The following C10orf67 variants were observed in gnomAD, a reference collection of about 807,000 sequenced individuals.
C10orf67 encodes uncharacterized protein C10orf67, mitochondrial.
C10orf67 carries 60 observed loss-of-function variants against 35.6 expected under a neutral mutation model. The observed-to-expected ratio is 1.68, with a 90% CI of 1.37 to 2.09. The LOEUF is 2.09. C10orf67 is among the 30% of genes most tolerant of loss of function. C10orf67 has a pLI of 0.00. For synonymous variants in C10orf67, 167 were observed against 115.8 expected, an observed-to-expected ratio of 1.44 and a Z score of -2.84; for missense variants, 474 against 330.2, an observed-to-expected ratio of 1.44 and a Z score of -3.38.
chr10:23,269,641 C>A (rs551260605), intron 8 of C10orf67, among the ~76,000 whole-genome samples: 2 of 151,702 alleles, frequency 1.3e-5, no homozygotes, highest in Admixed American at 1.3e-4. Context: ...TTACTGTCTA[C>A]AAGAGAAGCA....
chr10:23,244,567 C>T (rs1470287262), intron 12 of C10orf67, among the ~76,000 whole-genome samples: 3 of 151,556 alleles, frequency 2.0e-5, no homozygotes, highest in African/African-American at 7.3e-5. Context: ...AATAAGCTAT[C>T]CAAAAAGAAA....
chr10:23,253,531 C>T (rs1057067267), intron 10 of C10orf67, among the ~76,000 whole-genome samples: 5 of 151,932 alleles, frequency 3.3e-5, no homozygotes, highest in African/African-American at 1.2e-4. Context: ...AAAAATTAAC[C>T]CAAATTAAAA....
At chr10:23,241,178 T>C (rs1481598026) in intron 12 of C10orf67, among the ~76,000 whole-genome samples, 4 of 152,224 alleles carry the variant, frequency 2.6e-5, no homozygotes, top group Non-Finnish European at 4.4e-5. Context: ...CTTTCTCCCC[T>C]TTCAAACAAG....
At chr10:23,302,075 G>T (rs1448762416) in intron 5 of C10orf67, among the ~76,000 whole-genome samples, 1 of 152,186 alleles carries the variant, frequency 6.6e-6, no homozygotes, top group Admixed American at 6.5e-5. Context: ...ACACGGACCA[G>T]AAGAGTGCAG....
intron 7 of C10orf67, among the ~76,000 whole-genome samples, chr10:23,285,667 T>C (rs942575475): frequency 5.9e-5 from 9 of 152,224 alleles, no homozygotes; most frequent in African/African-American, 2.2e-4. Context: ...TACGTTTTCA[T>C]TGGAAATACT....
At chr10:23,303,761 G>A (rs1844175965) in intron 4 of C10orf67, among the ~76,000 whole-genome samples, 1 of 152,194 alleles carries the variant, frequency 6.6e-6, no homozygotes, top group South Asian at 2.1e-4. Context: ...CAATAGTAAA[G>A]AGCGAGATGG....
intron 1 of C10orf67, among the ~76,000 whole-genome samples, chr10:23,334,858 G>T (rs763165728): frequency 6.6e-6 from 1 of 152,174 alleles, no homozygotes; most frequent in Admixed American, 6.5e-5. Context: ...TGACTACAAG[G>T]GGGGCCAGCC....
chr10:23,315,583 C>A (rs954443189), intron 4 of C10orf67, among the ~76,000 whole-genome samples: 1 of 151,920 alleles, frequency 6.6e-6, no homozygotes, highest in African/African-American at 2.4e-5. Flanking sequence ...GGACCCTAGG[C>A]GCATGTCCCC....
intron 7 of C10orf67, among the ~76,000 whole-genome samples, 197 bp from the exon 8 acceptor site, chr10:23,282,275 G>A (rs1031163505): frequency 2.0e-5 from 3 of 152,060 alleles, no homozygotes; most frequent in African/African-American, 7.3e-5. Context: ...AATATACACA[G>A]AAAATACCGA....
chr10:23,275,771 T>C (rs529077941), intron 8 of C10orf67, among the ~76,000 whole-genome samples: 1 of 152,152 alleles, frequency 6.6e-6, no homozygotes, highest in African/African-American at 2.4e-5. Context: ...CCCTGGTCAA[T>C]TTTTTATGCT....
At chr10:23,213,050 G>A (rs1841350648) in intron 15 of C10orf67, among the ~76,000 whole-genome samples, 1 of 152,088 alleles carries the variant, frequency 6.6e-6, no homozygotes, top group African/African-American at 2.4e-5. Flanking sequence ...ATAACCCAGA[G>A]TAAAACAAGA....
At chr10:23,334,780 G>T (rs1845610818) in intron 1 of C10orf67, among the ~76,000 whole-genome samples, 1 of 152,224 alleles carries the variant, frequency 6.6e-6, no homozygotes, top group Non-Finnish European at 1.5e-5. Flanking sequence ...CCAGAGGAGA[G>T]GTTTCTTCTT....
chr10:23,305,980 C>T (rs1404244522), intron 4 of C10orf67, among the ~76,000 whole-genome samples: 1 of 151,900 alleles, frequency 6.6e-6, no homozygotes, highest in Non-Finnish European at 1.5e-5. Context: ...CACACACACA[C>T]ACACACTCTC....
At chr10:23,278,278 G>C (rs1398951540) in intron 8 of C10orf67, among the ~76,000 whole-genome samples, 1 of 152,116 alleles carries the variant, frequency 6.6e-6, no homozygotes, top group African/African-American at 2.4e-5. Context: ...AGAACCCCTG[G>C]AATGGAACCT....
At chr10:23,339,190 T>C (rs1327527965) in intron 1 of C10orf67, among the ~76,000 whole-genome samples, 10 of 152,136 alleles carry the variant, frequency 6.6e-5, no homozygotes, top group African/African-American at 2.4e-4. Flanking sequence ...CACTGATGAC[T>C]GGTCACTTTG....
Position 23,291,138 on chromosome 10 carries a change from CT to C in C10orf67, c.843del (p.Gly282AspfsTer2), listed in dbSNP as rs1323626800. ...AGTGATTTCAAAATGTTACCTAATC[CT>C]GAATTTTCTTTTAGATTGATCTGGA... ...EEIQINLKENSGLEDELISMK... is the reference protein window; with the variant it reads ...EEIQINLKENXGLEDELISMK... On this transcript the variant is annotated frameshift_variant, in exon 6 of 16. Transcript: ENST00000636213. LOFTEE classifies it high-confidence loss of function. 1.4e-6 allele frequency: 1 copy of C among 706,816 alleles called. No homozygotes were observed. Among genetic ancestry groups the C allele is most frequent in the African/African-American group, 1.8e-5 (1 of 56,690 alleles). The allele number at this position is 706,816 out of a possible 1,614,324, so 43.8% of individuals were successfully genotyped here. A position where few individuals can be genotyped will look rare whatever the true frequency, so the allele number is the denominator to read the frequency against.
chr10:23,239,793 A>T lies in C10orf67; in HGVS notation c.1370T>A (p.Met457Lys), dbSNP rs983987172. ...ACGAAACAGTGTGTGCCTTGTAAAC[A>T]TCTCATTCTTAAGGACATGAAAGCT... ...RNSFHVLKNE[M>K]FTRHTLFRQF... The change falls in exon 13 of 16, where the codon ATG (methionine) becomes AAG (lysine). Residue 457 changes from methionine to lysine, a missense_variant. Met to Lys is a moderately conservative substitution (Grantham distance 95). Transcript: ENST00000636213. 4.8e-6 allele frequency: 3 copies of T among 630,178 alleles called. No individual in the cohort carries two copies. The highest frequency in any genetic ancestry group is 9.3e-6 in the Non-Finnish European group (3 of 323,716). The allele number at this position is 630,178 out of a possible 1,614,324, so 39.0% of individuals were successfully genotyped here. A position where few individuals can be genotyped will look rare whatever the true frequency, so the allele number is the denominator to read the frequency against.
At chr10:23,252,221 T>C (rs999559119) in intron 10 of C10orf67, among the ~76,000 whole-genome samples, 5 of 152,234 alleles carry the variant, frequency 3.3e-5, no homozygotes, top group African/African-American at 1.2e-4. Context: ...TTATTAAGTC[T>C]TAAGCTCTGT....
At chr10:23,344,509 C>T in intron 1 of C10orf67, 60 bp downstream of exon 1, 3 of 1,481,264 alleles carry the variant, frequency 2.0e-6, no homozygotes, top group Non-Finnish European at 2.8e-6. Context: ...CTTCAGCCTC[C>T]CGCCGTGCCC....
Sources: allele counts gnomAD v4.1 joint callset (sites outside exome capture counted in the v4.1 genomes callset), GRCh38; gene constraint gnomAD v4.1.1; transcripts MANE v1.5; gene names NCBI Gene and HGNC (gene_info 2026-07-23, HGNC 2026-07-21).